CBLL1: variants seen among roughly 807,000 people sequenced by gnomAD.
The protein encoded by CBLL1 is Cbl proto-oncogene like 1, also known as E3 ubiquitin-protein ligase Hakai.
CBLL1 carries 4 observed loss-of-function variants against 44.9 expected under a neutral mutation model. The observed-to-expected ratio is 0.09, with a 90% confidence interval of 0.04 to 0.20. The LOEUF (loss-of-function observed/expected upper bound fraction) is 0.20. CBLL1 is among the 10% of genes least tolerant of loss of function. CBLL1 has a pLI of 1.00. For synonymous variants in CBLL1, 235 were observed against 202.2 expected (o/e 1.16, Z -1.38); for missense variants, 569 against 636.7 (o/e 0.89, Z 1.14).
chr7:107,752,417 T>G, intron 2 of CBLL1: 1 of 351,762 alleles, frequency 2.8e-6, no homozygotes, highest in Non-Finnish European at 5.5e-6. Context: ...CTTGCATCAT[T>G]GTTTGTGTGT....
At chr7:107,744,270 C>T in intron 1 of CBLL1, 94 bp downstream of exon 1, 1 of 1,372,156 alleles carries the variant, frequency 7.3e-7, no homozygotes, top group Non-Finnish European at 9.8e-7. Context: ...TATGCTCGCC[C>T]CACAACACTA....
rs1793634124 is a variant in CBLL1 at position 107,758,611 on chromosome 7, A to G, written c.909A>G (p.Ser303=). 3 of 1,613,982 alleles carry G rather than the reference A, an allele frequency of 1.9e-6. No homozygotes were observed. Among genetic ancestry groups the G allele is most frequent in the African/African-American group, 2.7e-5 (2 of 74,900 alleles). ...ITVPIQDDSN[S]GAREPPPPAP... ...TCCCTATTCAGGATGACTCAAATTC[A>G]GGTGCTAGAGAACCACCACCTCCTG... is the stretch of plus-strand genomic sequence containing the variant. The change falls in exon 6 of 6, where the codon TCA becomes TCG. Residue 303 remains serine, a synonymous_variant. Transcript: ENST00000440859. The surrounding 1 kb of genome is among the most constrained non-coding windows in gnomAD (Gnocchi z 4.2).
rs1793649973 is a variant in CBLL1, at chr7:107,758,862, C to T, written c.1160C>T (p.Pro387Leu). Residue 387 changes from proline (P) to leucine (L), a missense_variant, in exon 6 of 6, where the codon CCC becomes CTC. Physicochemically the swap from Pro to Leu is moderately conservative, Grantham distance 98. Transcript: ENST00000440859. The surrounding 1 kb of genome is among the most constrained non-coding windows in gnomAD (Gnocchi z 4.2). Reference protein sequence around the residue: ...MTSAPPPITPPPGHIIAQMPP... With the variant: ...MTSAPPPITPLPGHIIAQMPP... ...TCTGCTCCACCACCAATAACCCCTCCCCCTGGACATATTATTGCCCAGATG... is the reference window on the plus strand; with the variant it reads ...TCTGCTCCACCACCAATAACCCCTCTCCCTGGACATATTATTGCCCAGATG... 1.2e-6 allele frequency: 2 copies of T among 1,613,922 alleles called. No homozygotes were observed. Among genetic ancestry groups the T allele is most frequent in the Non-Finnish European group, 1.7e-6 (2 of 1,179,986 alleles).
At chr7:107,750,992 T>TC (rs761647729) in intron 2 of CBLL1, among the ~76,000 whole-genome samples, 3 of 151,972 alleles carry the variant, frequency 2.0e-5, no homozygotes, top group East Asian at 1.9e-4. Context: ...TTTTTTTTTT[T>TC]CCCTCGAAAC....
At position 107,759,378 on chromosome 7, in the gene CBLL1, T is replaced by C; in HGVS notation, c.*200T>C. ...CCATACTGTAGTACAGATAAGTGGC[T>C]CAGTTGAGCACAGCTATATTTTAAC... On this transcript the variant is annotated 3_prime_UTR_variant, in exon 6 of 6. Coordinates refer to ENST00000440859, the MANE Select transcript of CBLL1 (RefSeq NM_024814.4). The C allele has an allele frequency of 2.1e-6, 1 of 484,252 alleles. No individual in the cohort carries two copies. The highest frequency in any genetic ancestry group is 3.6e-6 in the Non-Finnish European group (1 of 276,846). The allele number at this position is 484,252 out of a possible 1,614,324, so 30.0% of individuals were successfully genotyped here. A position where few individuals can be genotyped will look rare whatever the true frequency, so the allele number is the denominator to read the frequency against.
At chr7:107,757,005 G>C (rs1793555581) in intron 5 of CBLL1, among the ~76,000 whole-genome samples, 1 of 152,096 alleles carries the variant, frequency 6.6e-6, no homozygotes, top group Admixed American at 6.5e-5. Flanking sequence ...TGAACTAGAA[G>C]CAAAAAGTGT....
chr7:107,758,419 G>T lies in CBLL1; in HGVS notation c.717G>T (p.Met239Ile). The T allele has an allele frequency of 1.2e-6, 2 of 1,614,066 alleles. No homozygotes were observed. Among genetic ancestry groups the T allele is most frequent in the Non-Finnish European group, 1.7e-6 (2 of 1,180,014 alleles). The change falls in exon 6 of 6, where the codon ATG (methionine) becomes ATT (isoleucine). Residue 239 changes from methionine (M) to isoleucine (I), a missense_variant. Met to Ile is a conservative substitution (Grantham distance 10, BLOSUM62 1). Around this residue, in one of 5 missense-constraint regions of CBLL1, gnomAD observed 111 missense variants for 113.0 expected, o/e 0.98. Coordinates refer to ENST00000440859, the MANE Select transcript of CBLL1 (RefSeq NM_024814.4). The surrounding 1 kb of genome is among the most constrained non-coding windows in gnomAD (Gnocchi z 4.2). ...MSHIPPKQHIMMPPPPLQHVP... is the reference protein window; with the variant it reads ...MSHIPPKQHIIMPPPPLQHVP... ...ATATTCCGCCAAAGCAGCACATCAT[G>T]ATGCCACCACCTCCTTTGCAACATG... is the stretch of plus-strand genomic sequence containing the variant.
chr7:107,744,713 C>T (rs1248212838), intron 1 of CBLL1: 2 of 154,276 alleles, frequency 1.3e-5, no homozygotes, highest in Non-Finnish European at 2.9e-5. Context: ...TGGAATCAAA[C>T]TCGGAGCAGT....
chr7:107,755,635 C>A, intron 5 of CBLL1, 144 bp downstream of exon 5: 1 of 420,172 alleles, frequency 2.4e-6, no homozygotes, highest in Non-Finnish European at 4.3e-6. Flanking sequence ...GTGAGCCCAG[C>A]TTGTGTTAGG....
At chr7:107,756,144 A>G (rs1327115537) in intron 5 of CBLL1, among the ~76,000 whole-genome samples, 4 of 152,192 alleles carry the variant, frequency 2.6e-5, no homozygotes, top group Non-Finnish European at 1.5e-5. Flanking sequence ...ACAGAATAAG[A>G]ATTTTTATAT....
rs1793628885 is a variant in CBLL1 at position 107,758,462 on chromosome 7, A to C, written c.760A>C (p.Asn254His). Residue 254 changes from asparagine to histidine, a missense_variant, in exon 6 of 6, where the codon AAT becomes CAT. Asn to His is a moderately conservative substitution (Grantham distance 68, BLOSUM62 1). Around this residue, in one of 5 missense-constraint regions of CBLL1, gnomAD observed 111 missense variants for 113.0 expected, o/e 0.98. Transcript: ENST00000440859. This position sits in a 1 kb window ranked among gnomAD's most constrained non-coding sequence, Gnocchi z 4.2. ...GCAACATGTGCCACATGAGCACTATAATCAGCCACATGAGGATATTCGTGC... is the reference window on the plus strand; with the variant it reads ...GCAACATGTGCCACATGAGCACTATCATCAGCCACATGAGGATATTCGTGC... ...PLQHVPHEHY[N>H]QPHEDIRAPP... is the part of the protein sequence containing the mutation. 1 of 1,614,124 alleles carries C rather than the reference A, an allele frequency of 6.2e-7. No homozygotes were observed. Among genetic ancestry groups the C allele is most frequent in the Non-Finnish European group, 8.5e-7 (1 of 1,180,022 alleles).
chr7:107,744,285 G>A (rs1448073452), intron 1 of CBLL1, 109 bp downstream of exon 1: 2 of 1,285,946 alleles, frequency 1.6e-6, no homozygotes, highest in East Asian at 3.0e-5. Flanking sequence ...ACACTAGGGT[G>A]TGGCAGTGAG....
At position 107,761,092 on chromosome 7, in the gene CBLL1, C is replaced by T. The variant is rs1793742251; in HGVS notation, c.*1914C>T. Reference sequence around the variant, plus strand: ...TGCAAACTTGATTCCTTTTCATCCCCCTGTTTAGGAGCTATTAAAATATTA... The same window carrying T: ...TGCAAACTTGATTCCTTTTCATCCCTCTGTTTAGGAGCTATTAAAATATTA... On this transcript the variant is annotated 3_prime_UTR_variant, in exon 6 of 6. Coordinates refer to ENST00000440859, the MANE Select transcript of CBLL1 (RefSeq NM_024814.4). 2 of 152,232 alleles carry T rather than the reference C, an allele frequency of 1.3e-5. No homozygotes were observed. Among genetic ancestry groups the T allele is most frequent in the Admixed American group, 6.5e-5 (1 of 15,284 alleles). 9.4% of individuals were successfully genotyped at this position (152,232 alleles called of 1,614,324 possible).
At position 107,761,150 on chromosome 7, in the gene CBLL1, G is replaced by A. The variant is rs1562869277; in HGVS notation, c.*1972G>A. On this transcript the variant is annotated 3_prime_UTR_variant, in exon 6 of 6. Coordinates refer to ENST00000440859, the MANE Select transcript of CBLL1 (RefSeq NM_024814.4). ...AAATCCAAACCATTCTTTGTTCCAT[G>A]TAATAAGAAAATAGCCAAAATCACT... is the stretch of plus-strand genomic sequence containing the variant. The A allele has an allele frequency of 1.3e-5, 2 of 152,060 alleles. No individual in the cohort carries two copies. The highest frequency in any genetic ancestry group is 2.4e-5 in the African/African-American group (1 of 41,410). 9.4% of individuals were successfully genotyped at this position (152,060 alleles called of 1,614,324 possible). A position where few individuals can be genotyped will look rare whatever the true frequency, so the allele number is the denominator to read the frequency against.
intron 2 of CBLL1, 93 bp from the exon 3 acceptor site, chr7:107,753,318 T>G: frequency 1.3e-6 from 1 of 743,920 alleles, no homozygotes; most frequent in Non-Finnish European, 2.2e-6. Flanking sequence ...AGATGAGCTT[T>G]TTAGTGAAAA....
rs1263421526 is a variant in CBLL1 at position 107,758,803 on chromosome 7, G to T, written c.1101G>T (p.Leu367Phe). Residue 367 changes from leucine (L) to phenylalanine (F), a missense_variant, in exon 6 of 6, where the codon TTG (leucine) becomes TTT (phenylalanine). By Grantham distance (22) the Leu-to-Phe change is conservative. This residue lies in a region of CBLL1 where 228 missense variants were observed against 253.2 expected (regional missense o/e 0.90). Transcript: ENST00000440859. This position sits in a 1 kb window ranked among gnomAD's most constrained non-coding sequence, Gnocchi z 4.2. The stretch of plus-strand genomic sequence containing the variant: ...CCCAGGCTGCAGGTACTCCTCACTT[G>T]GTATATAGCCAAGCTCCACCTCCAC... ...HPPQAAGTPH[L>F]VYSQAPPPPM... 1 of 1,612,426 alleles carries T rather than the reference G, an allele frequency of 6.2e-7. No individual in the cohort carries two copies. Among genetic ancestry groups the T allele is most frequent in the African/African-American group, 1.3e-5 (1 of 74,396 alleles).
intron 4 of CBLL1, 39 bp from the exon 5 acceptor site, chr7:107,755,379 G>C: frequency 8.6e-7 from 1 of 1,169,326 alleles, no homozygotes; most frequent in Non-Finnish European, 1.2e-6. Context: ...AATATTATAA[G>C]TTCTAATATG....
intron 2 of CBLL1, among the ~76,000 whole-genome samples, chr7:107,750,413 C>T (rs1368617980): frequency 6.6e-6 from 1 of 151,438 alleles, no homozygotes; most frequent in Non-Finnish European, 1.5e-5. Flanking sequence ...TCATGCCATT[C>T]TCCTGCCTCA....
At chr7:107,756,994 G>A (rs1793555104) in intron 5 of CBLL1, among the ~76,000 whole-genome samples, 1 of 152,152 alleles carries the variant, frequency 6.6e-6, no homozygotes, top group African/African-American at 2.4e-5. Flanking sequence ...GGAGTTTACA[G>A]TGAACTAGAA....
Sources: allele counts gnomAD v4.1 joint callset (sites outside exome capture counted in the v4.1 genomes callset), GRCh38; gene constraint gnomAD v4.1.1; regional missense constraint gnomAD v4.1.1; non-coding constraint Gnocchi (gnomAD v3.1); transcripts MANE v1.5; gene names NCBI Gene and HGNC (gene_info 2026-07-23, HGNC 2026-07-21).